Variants in TRABD2B observed in about 807,000 individuals in gnomAD.
TRABD2B encodes the protein TraB domain containing 2B.
In TRABD2B, 14 loss-of-function variants were observed where a neutral mutation model predicts 40.1. That is an observed-to-expected ratio of 0.35 (90% CI 0.23 to 0.55). The LOEUF (loss-of-function observed/expected upper bound fraction) is 0.55. Among genes scored for constraint, TRABD2B ranks in the 20% least tolerant of loss-of-function variants. The pLI is 0.90. For missense variants in TRABD2B, 541 were observed against 648.6 expected (o/e 0.83, Z 1.80); for synonymous variants, 263 against 277.0 (o/e 0.95, Z 0.50).
chr1:47,862,731 T>C (rs1266302950), intron 2 of TRABD2B, among the ~76,000 whole-genome samples: 4 of 152,150 alleles, frequency 2.6e-5, no homozygotes, highest in Non-Finnish European at 4.4e-5. Context: ...ATCAACAAAC[T>C]GATTCTAAAG....
chr1:47,798,734 T>G (rs1644781189), intron 3 of TRABD2B, among the ~76,000 whole-genome samples: 1 of 152,156 alleles, frequency 6.6e-6, no homozygotes, highest in African/African-American at 2.4e-5. Context: ...CTGCCAAGCC[T>G]GGTTCTCGTA....
chr1:47,975,667 A>G (rs1570400489), intron 2 of TRABD2B, among the ~76,000 whole-genome samples: 1 of 152,194 alleles, frequency 6.6e-6, no homozygotes, highest in South Asian at 2.1e-4. Context: ...CCTACTGCAC[A>G]CCCAAGCCTG....
chr1:47,950,163 T>G (rs77702857), intron 2 of TRABD2B, among the ~76,000 whole-genome samples: 30,080 of 151,974 alleles, frequency 0.2, 3,389 homozygotes, highest in Admixed American at 0.26. Context: ...TGGGCGCCTG[T>G]AGTCCCAGCT....
intron 2 of TRABD2B, among the ~76,000 whole-genome samples, chr1:47,914,423 T>C (rs1644802536): frequency 6.6e-6 from 1 of 152,150 alleles, no homozygotes; most frequent in South Asian, 2.1e-4. Flanking sequence ...CGGTGCCCGC[T>C]GTGGGAAGAG....
At chr1:47,824,090 G>A (rs1179697489) in intron 2 of TRABD2B, among the ~76,000 whole-genome samples, 1 of 152,170 alleles carries the variant, frequency 6.6e-6, no homozygotes, top group Non-Finnish European at 1.5e-5. Context: ...TCCTTCCTGA[G>A]CCTGGATTTC....
chr1:47,953,920 C>T (rs1394914637), intron 2 of TRABD2B, among the ~76,000 whole-genome samples: 1 of 152,192 alleles, frequency 6.6e-6, no homozygotes, highest in African/African-American at 2.4e-5. Flanking sequence ...TTCGGAGAAT[C>T]AGACAACGTG....
At position 47,994,478 on chromosome 1, in the gene TRABD2B, T is replaced by A. The variant is rs1467562726; in HGVS notation, c.222A>T (p.Ala74=). Residue 74 remains alanine (A), a synonymous_variant, in exon 2 of 7, where the codon GCA becomes GCT. Transcript: ENST00000606738. The surrounding 1 kb of genome is among the most constrained non-coding windows in gnomAD (Gnocchi z 6.7). ...AGACACGGGTGCTAGCCTGGAAGGC[T>A]GCCTTGGAGTTGTCCGGGATGAAGT... ...VWDFIPDNSK[A]AFQASTRVYF... 2 of 1,536,172 alleles carry A rather than the reference T, an allele frequency of 1.3e-6. No homozygotes were observed. The highest frequency in any genetic ancestry group is 1.7e-6 in the Non-Finnish European group (2 of 1,146,920).
intron 2 of TRABD2B, among the ~76,000 whole-genome samples, chr1:47,846,629 G>A (rs1247618170): frequency 6.6e-6 from 1 of 152,116 alleles, no homozygotes; most frequent in African/African-American, 2.4e-5. Context: ...CAAGGCATCT[G>A]GTCAATTCAG....
At chr1:47,933,629 C>T (rs1455510532) in intron 2 of TRABD2B, among the ~76,000 whole-genome samples, 6 of 152,160 alleles carry the variant, frequency 3.9e-5, no homozygotes, top group Admixed American at 3.9e-4. Context: ...TCTCTGACTC[C>T]CTCTAGTCCT....
Position 47,959,941 on chromosome 1 carries a change from G to A in TRABD2B, c.666+34093C>T, listed in dbSNP as rs149696335. Among the ~76,000 whole-genome samples the A allele has an allele frequency of 3.7e-3, 559 of 152,282 alleles. 6 individuals are homozygous for A. The highest frequency in any genetic ancestry group is 0.012 in the African/African-American group (514 of 41,546). ...AGAATTTTAGACCAATATCCCTAAT[G>A]AATATCGATGCAAAAATCCTCAATA... On this transcript the variant is annotated intron_variant, in intron 2 of 6. Transcript: ENST00000606738.
At position 47,815,888 on chromosome 1, in the gene TRABD2B, A is replaced by T. The variant is rs867684676; in HGVS notation, c.667-14269T>A. 4.6e-5 allele frequency among the ~76,000 whole-genome samples: 7 copies of T among 152,276 alleles called. No individual in the cohort carries two copies. In the South Asian group the frequency reaches 1.2e-3, roughly 27 times the overall value. On this transcript the variant is annotated intron_variant, in intron 2 of 6. Coordinates refer to ENST00000606738, the MANE Select transcript of TRABD2B (RefSeq NM_001194986.2). ...AGGAGTGTGGACTGTGCTTTGTGTT[A>T]TCCCAGCCATCAAGAGACCCAACCA...
chr1:47,876,235 G>C (rs1644223841), intron 2 of TRABD2B, among the ~76,000 whole-genome samples: 1 of 152,158 alleles, frequency 6.6e-6, no homozygotes, highest in Admixed American at 6.5e-5. Flanking sequence ...ATAACCCTGA[G>C]ATCACAGGGC....
At chr1:47,778,954 C>T (rs763933741) in intron 4 of TRABD2B, among the ~76,000 whole-genome samples, 25 of 152,204 alleles carry the variant, frequency 1.6e-4, no homozygotes, top group Non-Finnish European at 2.9e-5. Context: ...GGGACAGCCT[C>T]CAGCAGTCAC....
At chr1:47,964,356 A>G (rs1645566451) in intron 2 of TRABD2B, among the ~76,000 whole-genome samples, 2 of 152,340 alleles carry the variant, frequency 1.3e-5, no homozygotes, top group South Asian at 4.1e-4. Context: ...GAGAGTCCAC[A>G]AAGATCACCA....
At chr1:47,811,265 C>G (rs888649644) in intron 2 of TRABD2B, among the ~76,000 whole-genome samples, 1 of 151,916 alleles carries the variant, frequency 6.6e-6, no homozygotes, top group East Asian at 1.9e-4. Context: ...CCCCTCACCA[C>G]CCCCCCATCG....
At chr1:47,913,928 T>C (rs1644795824) in intron 2 of TRABD2B, among the ~76,000 whole-genome samples, 1 of 152,246 alleles carries the variant, frequency 6.6e-6, no homozygotes, top group Non-Finnish European at 1.5e-5. Context: ...AACTAAGGCA[T>C]GGTTGATTAA....
intron 2 of TRABD2B, among the ~76,000 whole-genome samples, chr1:47,857,674 G>T (rs183195644): frequency 6.6e-6 from 1 of 152,024 alleles, no homozygotes; most frequent in Non-Finnish European, 1.5e-5. Context: ...CACAGAGAAG[G>T]CCTCCAAGAA....
At chr1:47,907,759 C>T (rs902521541) in intron 2 of TRABD2B, among the ~76,000 whole-genome samples, 2 of 152,158 alleles carry the variant, frequency 1.3e-5, no homozygotes, top group African/African-American at 4.8e-5. Context: ...GTAGGAAAAC[C>T]CTCACAGTGT....
intron 2 of TRABD2B, among the ~76,000 whole-genome samples, chr1:47,845,041 C>T (rs115417934): frequency 2.0e-5 from 3 of 152,322 alleles, no homozygotes; most frequent in Non-Finnish European, 2.9e-5. Context: ...GGATTCCATC[C>T]TGTGCAGGCA....
Sources: gnomAD v4.1 joint callset for allele counts (sites outside exome capture counted in the v4.1 genomes callset) on GRCh38, gnomAD v4.1.1 for gene constraint, Gnocchi (gnomAD v3.1) non-coding constraint, MANE v1.5 for transcripts, NCBI Gene and HGNC (gene_info 2026-07-23, HGNC 2026-07-21) for gene names.